Variants in RAD50 observed in about 807,000 individuals in gnomAD.
The protein encoded by RAD50 is RAD50 double strand break repair protein, also known as DNA repair protein RAD50.
A neutral mutation model predicts 168.8 loss-of-function variants in RAD50; 132 were observed. That is an observed-to-expected ratio of 0.78 (90% CI 0.68 to 0.90). The LOEUF (loss-of-function observed/expected upper bound fraction) is 0.90. RAD50 is among the 40% of genes least tolerant of loss of function. The pLI is 0.00. For missense variants in RAD50, 1,347 were observed against 1,534.4 expected (o/e 0.88, Z 2.04); for synonymous variants, 525 against 497.4 (o/e 1.06, Z -0.74).
intron 10 of RAD50, 80 bp from the exon 11 acceptor site, chr5:132,591,793 TAGTC>T (rs1206435346): frequency 8.1e-6 from 8 of 987,036 alleles, no homozygotes; most frequent in Admixed American, 5.1e-5. Flanking sequence ...CTTAGAACTT[TAGTC>T]AGTCTAGAAT....
At position 132,589,646 on chromosome 5, in the gene RAD50, A is replaced by G; in HGVS notation, c.1261A>G (p.Lys421Glu). ...ANQLMNDFAE[K>E]ETLKQKQIDE... ...ATGCATTTAGAATGACTTTGCAGAA[A>G]AAGAGACTCTGAAACAAAAACAGAT... The change falls in exon 9 of 25, where the codon AAA becomes GAA. Residue 421 changes from lysine (K) to glutamate (E), a missense_variant. This residue lies in a region of RAD50 where 703 missense variants were observed against 767.7 expected (regional missense o/e 0.92). Coordinates refer to ENST00000378823, the MANE Select transcript of RAD50 (RefSeq NM_005732.4). 1 of 1,593,048 alleles carries G rather than the reference A, an allele frequency of 6.3e-7. No individual in the cohort carries two copies. Among genetic ancestry groups the G allele is most frequent in the Non-Finnish European group, 8.5e-7 (1 of 1,170,264 alleles).
intron 13 of RAD50, 48 bp downstream of exon 13, chr5:132,595,858 A>G: frequency 6.6e-7 from 1 of 1,519,568 alleles, no homozygotes; most frequent in Non-Finnish European, 9.0e-7. Flanking sequence ...CACATTGTAA[A>G]AGGTACCCAT....
At chr5:132,563,614 G>A (rs1003470099) in intron 2 of RAD50, among the ~76,000 whole-genome samples, 15 of 152,186 alleles carry the variant, frequency 9.9e-5, no homozygotes. Flanking sequence ...TCATGGTTAT[G>A]TATGTTTTTT....
intron 2 of RAD50, among the ~76,000 whole-genome samples, chr5:132,562,083 A>C (rs1750134141): frequency 1.3e-5 from 2 of 152,218 alleles, no homozygotes; most frequent in Admixed American, 1.3e-4. Context: ...CATTCAGTCT[A>C]GTTGCAGAGT....
At chr5:132,623,277 A>G (rs908719878) in intron 21 of RAD50, among the ~76,000 whole-genome samples, 6 of 152,150 alleles carry the variant, frequency 3.9e-5, no homozygotes, top group South Asian at 2.1e-4. Flanking sequence ...TGAGGAGTTC[A>G]AGACCAGCCT....
chr5:132,641,107 C>T (rs527769301), intron 24 of RAD50, among the ~76,000 whole-genome samples: 1 of 152,232 alleles, frequency 6.6e-6, no homozygotes, highest in South Asian at 2.1e-4. Flanking sequence ...TCCTGTAAAC[C>T]TACCAGAGGA....
chr5:132,632,273 C>T (rs1231633652), intron 21 of RAD50, among the ~76,000 whole-genome samples: 2 of 152,218 alleles, frequency 1.3e-5, no homozygotes, highest in Non-Finnish European at 2.9e-5. Flanking sequence ...ATTTGGGCTT[C>T]CCCACGCTCC....
At chr5:132,575,977 GGTCT>G in intron 3 of RAD50, 49 bp downstream of exon 3, 1 of 1,519,168 alleles carries the variant, frequency 6.6e-7, no homozygotes, top group Non-Finnish European at 9.0e-7. Context: ...CAGTCTTTTA[GGTCT>G]GTAAGTTGAT....
chr5:132,557,418 A>C lies in RAD50; in HGVS notation c.94A>C (p.Thr32Pro), dbSNP rs1554096651. 1 of 1,614,034 alleles carries C rather than the reference A, an allele frequency of 6.2e-7. No individual in the cohort carries two copies. Among genetic ancestry groups the C allele is most frequent in the Admixed American group, 1.7e-5 (1 of 60,012 alleles). ...AATTATCACTTTCTTCAGCCCCCTT[A>C]CAATTTTGGTTGGACCCAATGGGGC... ...KQIITFFSPL[T>P]ILVGPNGAGK... Residue 32 changes from threonine (T) to proline (P), a missense_variant, in exon 1 of 25, where the codon ACA (threonine) becomes CCA (proline). Physicochemically the swap from Thr to Pro is conservative, Grantham distance 38. Transcript: ENST00000378823.
Position 132,594,954 on chromosome 5 carries a change from G to A in RAD50, c.1879G>A (p.Asp627Asn). Residue 627 changes from aspartate (D) to asparagine (N), a missense_variant, in exon 12 of 25, where the codon GAC becomes AAC. By Grantham distance (23) the Asp-to-Asn change is conservative. Transcript: ENST00000378823. ...RKEEQLSSYE[D>N]KLFDVCGSQD... Reference sequence around the variant, plus strand: ...GGAAGAGCAGTTGTCCAGTTACGAAGACAAGCTGTTTGATGTTTGTGGTAG... The same window carrying A: ...GGAAGAGCAGTTGTCCAGTTACGAAAACAAGCTGTTTGATGTTTGTGGTAG... 6.2e-7 allele frequency: 1 copy of A among 1,611,514 alleles called. No individual in the cohort carries two copies. Among genetic ancestry groups the A allele is most frequent in the African/African-American group, 1.3e-5 (1 of 74,982 alleles).
intron 15 of RAD50, among the ~76,000 whole-genome samples, chr5:132,604,356 C>G (rs1004960360): frequency 6.6e-6 from 1 of 151,988 alleles, no homozygotes; most frequent in African/African-American, 2.4e-5. Flanking sequence ...ACCTCCGCCT[C>G]CCGGGTTCAA....
At chr5:132,620,261 GTATT>G (rs1751264636) in intron 21 of RAD50, among the ~76,000 whole-genome samples, 1 of 152,104 alleles carries the variant, frequency 6.6e-6, no homozygotes, top group African/African-American at 2.4e-5. Context: ...GTACATTTAA[GTATT>G]TAATTCTAAG....
At chr5:132,577,781 A>C (rs1650682995) in intron 3 of RAD50, among the ~76,000 whole-genome samples, 2 of 145,352 alleles carry the variant, frequency 1.4e-5, no homozygotes, top group Non-Finnish European at 3.0e-5. Flanking sequence ...CCATTTACCC[A>C]GACCTATTTA....
chr5:132,632,727 A>C (rs961436003), intron 21 of RAD50, among the ~76,000 whole-genome samples: 1 of 152,234 alleles, frequency 6.6e-6, no homozygotes, highest in African/African-American at 2.4e-5. Flanking sequence ...CTCAGATGTT[A>C]TGTATATTTT....
chr5:132,594,910 A>G lies in RAD50; in HGVS notation c.1835A>G (p.Asn612Ser), dbSNP rs1580996415. Residue 612 changes from asparagine (N) to serine (S), a missense_variant, in exon 12 of 25, where the codon AAT (asparagine) becomes AGT (serine). Physicochemically the swap from Asn to Ser is conservative, Grantham distance 46. Around this residue, in one of 3 missense-constraint regions of RAD50, gnomAD observed 703 missense variants for 767.7 expected, o/e 0.92. Coordinates refer to ENST00000378823, the MANE Select transcript of RAD50 (RefSeq NM_005732.4). ...ASSEQNKNHINNELKRKEEQL... is the reference protein window; with the variant it reads ...ASSEQNKNHISNELKRKEEQL... ...TCTGAGCAGAATAAAAATCATATAA[A>G]TAATGAACTAAAAAGAAAGGAAGAG... The G allele has an allele frequency of 2.5e-6, 4 of 1,607,064 alleles. No individual in the cohort carries two copies. In the South Asian group the frequency reaches 4.4e-5, roughly 18 times the overall value.
intron 12 of RAD50, chr5:132,595,271 G>A (rs1750769672): frequency 1.7e-6 from 1 of 591,228 alleles, no homozygotes; most frequent in South Asian, 2.0e-5. Flanking sequence ...CTGTGGTACT[G>A]AGGTGTGAAT....
intron 24 of RAD50, among the ~76,000 whole-genome samples, chr5:132,641,029 C>T (rs1751709906): frequency 3.3e-5 from 5 of 152,180 alleles, no homozygotes; most frequent in Admixed American, 3.3e-4. Flanking sequence ...CAGCCCCAGA[C>T]ACATCCTGCA....
chr5:132,561,888 A>G (rs1750130464), intron 2 of RAD50, among the ~76,000 whole-genome samples: 1 of 151,490 alleles, frequency 6.6e-6, no homozygotes, highest in Non-Finnish European at 1.5e-5. Flanking sequence ...ACTTCATTCC[A>G]TCGGCCACTG....
At chr5:132,613,606 TTTTTTTTTTTTAAATTAGA>T (rs1382697656) in intron 19 of RAD50, among the ~76,000 whole-genome samples, 5 of 149,378 alleles carry the variant, frequency 3.3e-5, no homozygotes, top group Non-Finnish European at 7.4e-5. Flanking sequence ...TTTTTTTTTT[TTTTTTTTTTTTAAATTAGA>T]TGGAGTCTTG....
Sources: allele counts gnomAD v4.1 joint callset (sites outside exome capture counted in the v4.1 genomes callset), GRCh38; gene constraint gnomAD v4.1.1; regional missense constraint gnomAD v4.1.1; transcripts MANE v1.5; gene names NCBI Gene and HGNC (gene_info 2026-07-23, HGNC 2026-07-21).